The following EDEM1 variants were observed in gnomAD, a reference collection of about 807,000 sequenced individuals.
EDEM1 encodes the protein ER degradation-enhancing alpha-mannosidase-like protein 1.
In EDEM1, 67 loss-of-function variants were observed where a neutral mutation model predicts 74.4. The ratio of observed to expected loss-of-function variants is 0.90; its 90% CI spans 0.74 to 1.10. The LOEUF (loss-of-function observed/expected upper bound fraction) is 1.10, where lower values mean the gene tolerates loss of function less well. EDEM1 is among the 50% of genes least tolerant of loss of function. EDEM1 has a pLI of 0.00. For synonymous variants in EDEM1, 382 were observed against 335.9 expected (o/e 1.14, Z -1.50); for missense variants, 926 against 851.6 (o/e 1.09, Z -1.09).
chr3:5,201,933 A>G lies in EDEM1; in HGVS notation c.858+9A>G. On this transcript the variant is annotated intron_variant, in intron 4 of 11. Coordinates refer to ENST00000256497, the MANE Select transcript of EDEM1 (RefSeq NM_014674.3). Reference sequence around the variant, plus strand: ...GGATTCCATATCCTCGGGTGGGTAGACTGGTTTGACCCTTTGTGTTTGACA... The same window carrying G: ...GGATTCCATATCCTCGGGTGGGTAGGCTGGTTTGACCCTTTGTGTTTGACA... 6.2e-7 allele frequency: 1 copy of G among 1,610,828 alleles called. No individual in the cohort carries two copies. The highest frequency in any genetic ancestry group is 8.5e-7 in the Non-Finnish European group (1 of 1,178,878).
At chr3:5,213,257 C>G in intron 10 of EDEM1, 62 bp from the exon 11 acceptor site, 1 of 1,509,000 alleles carries the variant, frequency 6.6e-7, no homozygotes. Context: ...GGACACGCCC[C>G]CATGATTCAG....
At chr3:5,215,315 AG>A (rs199691277) in intron 11 of EDEM1, among the ~76,000 whole-genome samples, 31 of 152,122 alleles carry the variant, frequency 2.0e-4, no homozygotes. Context: ...TTTTAATTAA[AG>A]AAATAGTCTT....
chr3:5,208,133 C>G lies in EDEM1; in HGVS notation c.1379C>G (p.Ala460Gly), dbSNP rs867423282. Reference protein sequence around the residue: ...GDVEDAICLHAFYYAIWKRYG... With the variant: ...GDVEDAICLHGFYYAIWKRYG... ...GTGGAAGATGCCATCTGCCTTCATGCCTTCTACTATGCCATATGGAAACGA... is the reference window on the plus strand; with the variant it reads ...GTGGAAGATGCCATCTGCCTTCATGGCTTCTACTATGCCATATGGAAACGA... The change falls in exon 8 of 12, where the codon GCC becomes GGC. Residue 460 changes from alanine (A) to glycine (G), a missense_variant. Transcript: ENST00000256497. The G allele has an allele frequency of 6.2e-7, 1 of 1,609,242 alleles. No individual in the cohort carries two copies. The highest frequency in any genetic ancestry group is 8.5e-7 in the Non-Finnish European group (1 of 1,178,768).
chr3:5,207,409 T>C, intron 7 of EDEM1, 136 bp downstream of exon 7: 1 of 1,252,270 alleles, frequency 8.0e-7, no homozygotes, highest in Non-Finnish European at 1.1e-6. Context: ...TACGTCTTCA[T>C]CTCTCTGTTT....
At chr3:5,209,163 G>A (rs756008064) in intron 8 of EDEM1, among the ~76,000 whole-genome samples, 8 of 152,072 alleles carry the variant, frequency 5.3e-5, no homozygotes, top group South Asian at 2.1e-4. Flanking sequence ...AATCCTTGCC[G>A]TTTGCTTCAG....
rs2055161525 is a variant in EDEM1, at chr3:5,211,102, C to T, written c.1584-18C>T. 3 of 1,612,736 alleles carry T rather than the reference C, an allele frequency of 1.9e-6. No homozygotes were observed. In the African/African-American group the frequency reaches 4.0e-5, roughly 22 times the overall value. On this transcript the variant is annotated intron_variant, in intron 9 of 11. Coordinates refer to ENST00000256497, the MANE Select transcript of EDEM1 (RefSeq NM_014674.3). ...GGGAAGGAAGAGAGGCAGGACTGAC[C>T]AGATGATTGTTTTGTAGGTGTGGGT... is the stretch of plus-strand genomic sequence containing the variant.
chr3:5,188,208 CG>C lies in EDEM1; in HGVS notation c.407del (p.Gly136AlafsTer38). 1.3e-6 allele frequency: 2 copies of C among 1,582,878 alleles called. No homozygotes were observed. Among genetic ancestry groups the C allele is most frequent in the South Asian group, 1.2e-5 (1 of 86,578 alleles). On this transcript the variant is annotated frameshift_variant, in exon 1 of 12. Coordinates refer to ENST00000256497, the MANE Select transcript of EDEM1 (RefSeq NM_014674.3). LOFTEE classifies it high-confidence loss of function. ...GCGTGCCCAGATGCGCGACCTGGCA[CG>C]GGGCATGTTCGTCTTTGGCTACGAC... ...QLRAQMRDLARGMFVFGYDNY... is the reference protein window; with the variant it reads ...QLRAQMRDLAXGMFVFGYDNY...
chr3:5,199,354 A>G (rs1340531055), intron 2 of EDEM1, among the ~76,000 whole-genome samples: 1 of 152,232 alleles, frequency 6.6e-6, no homozygotes, highest in Non-Finnish European at 1.5e-5. Flanking sequence ...TGATTTTACA[A>G]GGAATTATTT....
chr3:5,203,253 A>G, intron 5 of EDEM1, 104 bp downstream of exon 5: 1 of 1,212,416 alleles, frequency 8.2e-7, no homozygotes, highest in Admixed American at 2.8e-5. Context: ...CTCAATTGAC[A>G]ACTCAGCAAG....
rs776866429 is a variant in EDEM1 at position 5,188,070 on chromosome 3, C to A, written c.265C>A (p.Arg89Ser). 4 of 1,451,970 alleles carry A rather than the reference C, an allele frequency of 2.8e-6. No individual in the cohort carries two copies. The highest frequency in any genetic ancestry group is 2.7e-6 in the Non-Finnish European group (3 of 1,102,498). 89.9% of individuals were successfully genotyped at this position (1,451,970 alleles called of 1,614,324 possible). A position where few individuals can be genotyped will look rare whatever the true frequency, so the allele number is the denominator to read the frequency against. The change falls in exon 1 of 12, where the codon CGT becomes AGT. Residue 89 changes from arginine (R) to serine (S), a missense_variant. Coordinates refer to ENST00000256497, the MANE Select transcript of EDEM1 (RefSeq NM_014674.3). Reference sequence around the variant, plus strand: ...GCAGAGCCCGCGCAAGGCTCCGCGGCGTCCTGGGCCGGGGATGTGCGGCCC... The same window carrying A: ...GCAGAGCCCGCGCAAGGCTCCGCGGAGTCCTGGGCCGGGGATGTGCGGCCC... ...AAQSPRKAPRRPGPGMCGPAN... is the reference protein window; with the variant it reads ...AAQSPRKAPRSPGPGMCGPAN...
chr3:5,194,975 C>A (rs1261627650), intron 1 of EDEM1: 3 of 318,938 alleles, frequency 9.4e-6, no homozygotes, highest in Non-Finnish European at 1.7e-5. Flanking sequence ...TGTGAGCATT[C>A]TTTCCACTCT....
At chr3:5,195,723 GCTCCCTAGAAACC>G (rs2054958315) in intron 2 of EDEM1, among the ~76,000 whole-genome samples, 1 of 152,202 alleles carries the variant, frequency 6.6e-6, no homozygotes, top group Admixed American at 6.5e-5. Context: ...CTTATGTGGG[GCTCCCTAGAAACC>G]CTTCTCTTTT....
chr3:5,188,372 G>A lies in EDEM1; in HGVS notation c.509+58G>A, dbSNP rs569485813. 53 of 1,361,156 alleles carry A rather than the reference G, an allele frequency of 3.9e-5. No homozygotes were observed. In the African/African-American group the frequency reaches 6.8e-4, roughly 17 times the overall value. The allele number at this position is 1,361,156 out of a possible 1,614,324, so 84.3% of individuals were successfully genotyped here. ...CCACGCGCTTCCTTCCGCCCTCCGC[G>A]CCGGGGTGCAGCCCTCTGTCCTCCG... On this transcript the variant is annotated intron_variant, in intron 1 of 11. Coordinates refer to ENST00000256497, the MANE Select transcript of EDEM1 (RefSeq NM_014674.3).
chr3:5,208,354 G>C, intron 8 of EDEM1, 91 bp downstream of exon 8: 1 of 1,477,976 alleles, frequency 6.8e-7, no homozygotes, highest in Non-Finnish European at 9.1e-7. Context: ...AGTGATTTAG[G>C]GTTATGTTGT....
rs1390325409 is a variant in EDEM1 at position 5,219,271 on chromosome 3, A to G, written c.*3353A>G. On this transcript the variant is annotated 3_prime_UTR_variant, in exon 12 of 12. Transcript: ENST00000256497. ...GATAAATTTTTTTTGTCTGTTGACAAAAACAAAAATCTTTTTTCAAATGTA... is the reference window on the plus strand; with the variant it reads ...GATAAATTTTTTTTGTCTGTTGACAGAAACAAAAATCTTTTTTCAAATGTA... 6.6e-6 allele frequency: 1 copy of G among 152,176 alleles called. No individual in the cohort carries two copies. Among genetic ancestry groups the G allele is most frequent in the Non-Finnish European group, 1.5e-5 (1 of 68,044 alleles). 9.4% of individuals were successfully genotyped at this position (152,176 alleles called of 1,614,324 possible).
chr3:5,203,402 T>C (rs2055057157), intron 5 of EDEM1, among the ~76,000 whole-genome samples: 1 of 152,234 alleles, frequency 6.6e-6, no homozygotes, highest in Non-Finnish European at 1.5e-5. Flanking sequence ...TTGAAAATTA[T>C]TGTTAATGGA....
At chr3:5,211,674 G>A (rs112133047) in intron 10 of EDEM1, among the ~76,000 whole-genome samples, 30 of 86,764 alleles carry the variant, frequency 3.5e-4, no homozygotes, top group East Asian at 1.5e-3. Flanking sequence ...GTGTGTGTGT[G>A]TGTGTGTGTG....
intron 7 of EDEM1, 22 bp downstream of exon 7, chr3:5,207,295 TAAG>T: frequency 6.2e-7 from 1 of 1,613,268 alleles, no homozygotes; most frequent in Non-Finnish European, 8.5e-7. Context: ...TCAGATTTCC[TAAG>T]AATAACCAAT....
chr3:5,214,413 G>C (rs903332380), intron 11 of EDEM1, among the ~76,000 whole-genome samples: 3 of 152,140 alleles, frequency 2.0e-5, no homozygotes, highest in Non-Finnish European at 4.4e-5. Flanking sequence ...TTCACCATCA[G>C]TCTATGAAGT....
Sources: allele counts gnomAD v4.1 joint callset (sites outside exome capture counted in the v4.1 genomes callset), GRCh38; gene constraint gnomAD v4.1.1; transcripts MANE v1.5; gene names NCBI Gene and HGNC (gene_info 2026-07-23, HGNC 2026-07-21).